CTNND2: variants seen among roughly 807,000 people sequenced by gnomAD.
The protein encoded by CTNND2 is catenin delta-2.
CTNND2 carries 22 observed loss-of-function variants against 144.4 expected under a neutral mutation model. The observed-to-expected ratio is 0.15, with a 90% CI of 0.11 to 0.22. CTNND2 has a LOEUF of 0.22. Ranked by LOEUF, CTNND2 falls within the 10% of genes least tolerant of loss-of-function variation. CTNND2 has a pLI of 1.00. For missense variants in CTNND2, 1,353 were observed against 1,618.8 expected (o/e 0.84, Z 2.82); for synonymous variants, 751 against 695.6 (o/e 1.08, Z -1.25).
At chr5:11,354,696 C>T (rs537802299) in intron 8 of CTNND2, among the ~76,000 whole-genome samples, 14 of 152,090 alleles carry the variant, frequency 9.2e-5, no homozygotes, top group African/African-American at 3.4e-4. Flanking sequence ...ACAAATTATC[C>T]AGACAGAAAT....
chr5:11,501,715 A>G (rs1770540622), intron 3 of CTNND2, among the ~76,000 whole-genome samples: 1 of 152,098 alleles, frequency 6.6e-6, no homozygotes, highest in Admixed American at 6.6e-5. Context: ...TGCCCTCATA[A>G]GAAGGGGCAG....
intron 3 of CTNND2, among the ~76,000 whole-genome samples, chr5:11,531,934 A>C (rs894532343): frequency 6.6e-6 from 1 of 152,148 alleles, no homozygotes; most frequent in Non-Finnish European, 1.5e-5. Context: ...CATTATTTCA[A>C]GACACACTAA....
intron 2 of CTNND2, among the ~76,000 whole-genome samples, chr5:11,595,777 T>C (rs947468730): frequency 2.0e-5 from 3 of 152,168 alleles, no homozygotes; most frequent in Non-Finnish European, 4.4e-5. Flanking sequence ...GACAGCAATT[T>C]CCATCCAGTT....
At chr5:11,179,543 C>T (rs1386305037) in intron 11 of CTNND2, among the ~76,000 whole-genome samples, 1 of 152,014 alleles carries the variant, frequency 6.6e-6, no homozygotes, top group Non-Finnish European at 1.5e-5. Context: ...TTATCTGTAC[C>T]TAACCCTGAC....
At chr5:11,886,030 A>G (rs1485227020) in intron 1 of CTNND2, among the ~76,000 whole-genome samples, 1 of 152,156 alleles carries the variant, frequency 6.6e-6, no homozygotes, top group Non-Finnish European at 1.5e-5. Context: ...ACAAAAAAGC[A>G]GTACAGAGAG....
chr5:11,167,877 T>TC (rs1759500901), intron 11 of CTNND2, among the ~76,000 whole-genome samples: 1 of 151,264 alleles, frequency 6.6e-6, no homozygotes, highest in South Asian at 2.1e-4. Flanking sequence ...ACTTTTTTTT[T>TC]TTTTTTTTGG....
chr5:11,740,388 C>T (rs1787934352), intron 1 of CTNND2, among the ~76,000 whole-genome samples: 1 of 152,126 alleles, frequency 6.6e-6, no homozygotes, highest in African/African-American at 2.4e-5. Flanking sequence ...TAACACCACA[C>T]ATCTACAACC....
intron 1 of CTNND2, among the ~76,000 whole-genome samples, chr5:11,782,701 T>C (rs564920232): frequency 6.6e-6 from 1 of 152,244 alleles, no homozygotes; most frequent in Non-Finnish European, 1.5e-5. Context: ...CTTTTTGAAC[T>C]GTCTGGGTTC....
chr5:11,496,399 C>T (rs1769942695), intron 3 of CTNND2, among the ~76,000 whole-genome samples: 1 of 152,178 alleles, frequency 6.6e-6, no homozygotes, highest in Admixed American at 6.5e-5. Flanking sequence ...TCATTTAGGT[C>T]ATCAATGTTT....
At chr5:11,414,407 A>G (rs188056177) in intron 3 of CTNND2, among the ~76,000 whole-genome samples, 43 of 152,310 alleles carry the variant, frequency 2.8e-4, no homozygotes, top group Non-Finnish European at 6.0e-4. Flanking sequence ...CTATACTCCT[A>G]CATTCCTTCA....
At chr5:11,011,852 G>A (rs945079872) in intron 18 of CTNND2, among the ~76,000 whole-genome samples, 1 of 152,118 alleles carries the variant, frequency 6.6e-6, no homozygotes, top group African/African-American at 2.4e-5. Flanking sequence ...TAGGAATATC[G>A]CTAGCAGGCA....
Position 11,881,265 on chromosome 5 carries a change from A to AG in CTNND2, c.37+22551_37+22552insC, listed in dbSNP as rs139941094. The stretch of plus-strand genomic sequence containing the variant: ...TCAAATTAGAGTAACTGGCATGTCC[A>AG]TCACTTCAAACATTTATTACTTCTT... On this transcript the variant is annotated intron_variant, in intron 1 of 21. Transcript: ENST00000304623. Among the ~76,000 whole-genome samples the AG allele has an allele frequency of 1.8e-3, 278 of 152,134 alleles. 9 individuals carry two copies. The East Asian group carries it at 0.039, about 22-fold the overall frequency.
chr5:11,609,574 T>C (rs551781809), intron 2 of CTNND2, among the ~76,000 whole-genome samples: 2 of 152,002 alleles, frequency 1.3e-5, no homozygotes, highest in Admixed American at 6.6e-5. Context: ...GTCTATTTTA[T>C]AATACTATTA....
chr5:11,644,383 C>G (rs1782233036), intron 2 of CTNND2, among the ~76,000 whole-genome samples: 1 of 152,076 alleles, frequency 6.6e-6, no homozygotes, highest in Non-Finnish European at 1.5e-5. Context: ...TAAATGATAC[C>G]AAGCGGCTGT....
chr5:11,870,554 C>T (rs1441561979), intron 1 of CTNND2, among the ~76,000 whole-genome samples: 1 of 152,180 alleles, frequency 6.6e-6, no homozygotes, highest in Non-Finnish European at 1.5e-5. Flanking sequence ...AACAGACTCT[C>T]CCTTGGCTCA....
At chr5:11,718,604 C>T (rs572543310) in intron 2 of CTNND2, among the ~76,000 whole-genome samples, 12 of 151,450 alleles carry the variant, frequency 7.9e-5, no homozygotes, top group African/African-American at 2.9e-4. Context: ...AGAGTTCTAA[C>T]ACATTTTCTT....
At chr5:11,656,386 C>T (rs1433858918) in intron 2 of CTNND2, among the ~76,000 whole-genome samples, 3 of 150,742 alleles carry the variant, frequency 2.0e-5, no homozygotes, top group African/African-American at 7.3e-5. Context: ...CCTATACCAT[C>T]CCTGCTTCTA....
At chr5:11,495,824 G>A (rs761632126) in intron 3 of CTNND2, among the ~76,000 whole-genome samples, 5 of 152,130 alleles carry the variant, frequency 3.3e-5, no homozygotes, top group Non-Finnish European at 7.4e-5. Flanking sequence ...GACATCTGAG[G>A]AGGGTGAGGA....
At chr5:11,814,248 G>A (rs1792507651) in intron 1 of CTNND2, among the ~76,000 whole-genome samples, 2 of 152,162 alleles carry the variant, frequency 1.3e-5, no homozygotes. Context: ...TTTTGAAATG[G>A]AATGTATCTT....
Sources: gnomAD v4.1 joint callset for allele counts (sites outside exome capture counted in the v4.1 genomes callset) on GRCh38, gnomAD v4.1.1 for gene constraint, MANE v1.5 for transcripts, NCBI Gene and HGNC (gene_info 2026-07-23, HGNC 2026-07-21) for gene names.